The following PHF21B variants were observed in gnomAD, a reference collection of about 807,000 sequenced individuals.
The protein encoded by PHF21B is PHD finger protein 21B, also known as PHD finger protein 4.
A neutral mutation model predicts 62.2 loss-of-function variants in PHF21B; 22 were observed. The observed-to-expected ratio is 0.35, with a 90% CI of 0.25 to 0.51. The LOEUF is 0.51. Ranked by LOEUF, PHF21B falls within the 20% of genes least tolerant of loss-of-function variation. The pLI, the probability that PHF21B is intolerant of heterozygous loss-of-function variation, is 0.97. For synonymous variants in PHF21B, 341 were observed against 314.7 expected (o/e 1.08, Z -0.88); for missense variants, 701 against 707.9 (o/e 0.99, Z 0.11).
chr22:44,912,602 C>T (rs2071361503), intron 5 of PHF21B, among the ~76,000 whole-genome samples: 1 of 152,184 alleles, frequency 6.6e-6, no homozygotes, highest in African/African-American at 2.4e-5. Context: ...GAGGTTTCCC[C>T]AGCCATGTGG....
chr22:44,926,320 A>G (rs967226404), intron 2 of PHF21B, among the ~76,000 whole-genome samples: 4 of 152,232 alleles, frequency 2.6e-5, no homozygotes, highest in East Asian at 3.8e-4. Context: ...AAGTGTGTGC[A>G]TGAGGGGCAG....
intron 2 of PHF21B, among the ~76,000 whole-genome samples, chr22:44,929,725 G>C (rs997044506): frequency 6.6e-6 from 1 of 152,216 alleles, no homozygotes; most frequent in African/African-American, 2.4e-5. Flanking sequence ...AACAGCAGCC[G>C]GTGGCACTGG....
intron 2 of PHF21B, among the ~76,000 whole-genome samples, chr22:44,933,033 C>T (rs1363507135): frequency 2.0e-5 from 3 of 152,254 alleles, no homozygotes; most frequent in African/African-American, 7.2e-5. Flanking sequence ...GAGAGCAGGT[C>T]CTGTCCTCGG....
chr22:44,959,421 C>T (rs2072372491), intron 2 of PHF21B, among the ~76,000 whole-genome samples: 2 of 152,304 alleles, frequency 1.3e-5, no homozygotes, highest in South Asian at 2.1e-4. Flanking sequence ...TGGGTCCTTC[C>T]TCCTCCTTTC....
chr22:44,885,026 G>A (rs956034083), intron 12 of PHF21B, among the ~76,000 whole-genome samples: 11 of 152,268 alleles, frequency 7.2e-5, no homozygotes, highest in African/African-American at 2.7e-4. Context: ...CTGAGCAGGC[G>A]CACAGCCAGG....
intron 2 of PHF21B, among the ~76,000 whole-genome samples, chr22:44,929,823 C>T (rs1421896328): frequency 6.6e-6 from 1 of 152,180 alleles, no homozygotes; most frequent in Non-Finnish European, 1.5e-5. Context: ...CAGCATGAGG[C>T]GGCAGGCCTG....
At chr22:45,007,129 A>G (rs13054065) in intron 2 of PHF21B, among the ~76,000 whole-genome samples, 105,086 of 150,198 alleles carry the variant, frequency 0.7, 37,789 homozygotes, top group East Asian at 0.93. Context: ...CCAACTGAAA[A>G]GGGTTAGCGC....
chr22:44,965,512 G>A (rs950999339), intron 2 of PHF21B, among the ~76,000 whole-genome samples: 1 of 146,122 alleles, frequency 6.8e-6, no homozygotes, highest in Non-Finnish European at 1.5e-5. Context: ...TGTCAGTCCA[G>A]GTTCTCACCA....
chr22:44,949,225 T>C (rs2072141107), intron 2 of PHF21B, among the ~76,000 whole-genome samples: 1 of 142,522 alleles, frequency 7.0e-6, no homozygotes, highest in South Asian at 2.2e-4. Context: ...TGCTTGAACC[T>C]GGGAGGCGGA....
intron 2 of PHF21B, among the ~76,000 whole-genome samples, chr22:44,930,302 T>C (rs953621560): frequency 6.6e-6 from 1 of 152,142 alleles, no homozygotes; most frequent in Non-Finnish European, 1.5e-5. Context: ...GCCTCTACCG[T>C]GTACTAGCCT....
chr22:44,921,128 C>T (rs1225288468), intron 2 of PHF21B, among the ~76,000 whole-genome samples: 1 of 152,200 alleles, frequency 6.6e-6, no homozygotes, highest in Non-Finnish European at 1.5e-5. Context: ...TGTGCACCAA[C>T]CTGCCCCCCA....
At chr22:44,966,142 A>G (rs1192809811) in intron 2 of PHF21B, among the ~76,000 whole-genome samples, 3 of 152,058 alleles carry the variant, frequency 2.0e-5, no homozygotes, top group Non-Finnish European at 4.4e-5. Flanking sequence ...CACTCCCTGC[A>G]TCCCTCCAGT....
intron 2 of PHF21B, among the ~76,000 whole-genome samples, chr22:44,958,138 G>A (rs972641478): frequency 6.6e-6 from 1 of 152,150 alleles, no homozygotes; most frequent in African/African-American, 2.4e-5. Context: ...CCCGACCTCA[G>A]GTGATCTGCC....
chr22:44,968,045 C>A (rs2072563599), intron 2 of PHF21B, among the ~76,000 whole-genome samples: 1 of 152,058 alleles, frequency 6.6e-6, no homozygotes, highest in South Asian at 2.1e-4. Context: ...TGGTGTTGAC[C>A]TTGGTGACCT....
At chr22:44,932,669 G>A (rs964591835) in intron 2 of PHF21B, among the ~76,000 whole-genome samples, 1 of 152,258 alleles carries the variant, frequency 6.6e-6, no homozygotes, top group Admixed American at 6.5e-5. Flanking sequence ...GAACGCTGAT[G>A]ACGGCCTGGA....
chr22:44,945,417 C>T (rs1317502313), intron 2 of PHF21B, among the ~76,000 whole-genome samples: 2 of 152,204 alleles, frequency 1.3e-5, no homozygotes, highest in Non-Finnish European at 2.9e-5. Context: ...AAATCTGAGA[C>T]CCTCCCATCC....
Position 44,936,213 on chromosome 22 carries a change from G to A in PHF21B, c.121-15723C>T, listed in dbSNP as rs548799804. 1.2e-4 allele frequency among the ~76,000 whole-genome samples: 19 copies of A among 152,334 alleles called. No individual in the cohort carries two copies. In the South Asian group the frequency reaches 3.9e-3, roughly 32 times the overall value. On this transcript the variant is annotated intron_variant, in intron 2 of 12. Coordinates refer to ENST00000313237, the MANE Select transcript of PHF21B (RefSeq NM_138415.5). ...CGGGAGAGCTACGGAACGGGGCTGT[G>A]GGGTCCGCCTTGTCACCTGCATGAG...
chr22:44,912,196 A>G (rs2071355453), intron 5 of PHF21B, among the ~76,000 whole-genome samples: 1 of 152,206 alleles, frequency 6.6e-6, no homozygotes, highest in East Asian at 1.9e-4. Flanking sequence ...TTACAGGCTC[A>G]TAGGTGGAAG....
chr22:44,930,276 C>T (rs1273209775), intron 2 of PHF21B, among the ~76,000 whole-genome samples: 1 of 152,204 alleles, frequency 6.6e-6, no homozygotes, highest in African/African-American at 2.4e-5. Context: ...GAGGAGGAAG[C>T]TGGAGGATGC....
Sources: gnomAD v4.1 joint callset for allele counts (sites outside exome capture counted in the v4.1 genomes callset) on GRCh38, gnomAD v4.1.1 for gene constraint, MANE v1.5 for transcripts, NCBI Gene and HGNC (gene_info 2026-07-23, HGNC 2026-07-21) for gene names.